BFSP1: variants seen among roughly 807,000 people sequenced by gnomAD.
BFSP1 encodes the protein beaded filament structural protein 1.
In BFSP1, 38 loss-of-function variants were observed where a neutral mutation model predicts 43.9. The ratio of observed to expected loss-of-function variants is 0.87; its 90% CI spans 0.67 to 1.14. The LOEUF (loss-of-function observed/expected upper bound fraction) is 1.14, where lower values mean the gene tolerates loss of function less well. BFSP1 is among the 50% of genes most tolerant of loss of function. The pLI is 0.00. For missense variants in BFSP1, 850 were observed against 875.1 expected, an observed-to-expected ratio of 0.97 and a Z score of 0.36; for synonymous variants, 352 against 354.8, an observed-to-expected ratio of 0.99 and a Z score of 0.09.
At chr20:17,523,306 T>C (rs993610962) in intron 2 of BFSP1, among the ~76,000 whole-genome samples, 2 of 152,054 alleles carry the variant, frequency 1.3e-5, no homozygotes, top group Non-Finnish European at 2.9e-5. Flanking sequence ...GTACCCAGGA[T>C]GGCACTGCGT....
chr20:17,515,502 G>A (rs1466367659), intron 2 of BFSP1, among the ~76,000 whole-genome samples: 7 of 152,192 alleles, frequency 4.6e-5, no homozygotes, highest in Non-Finnish European at 1.0e-4. Context: ...GCATTTGTTT[G>A]TTCCTCTAAG....
At chr20:17,548,649 A>C (rs1278502044) in intron 1 of BFSP1, among the ~76,000 whole-genome samples, 1 of 152,256 alleles carries the variant, frequency 6.6e-6, no homozygotes, top group Non-Finnish European at 1.5e-5. Context: ...GGCTTTTATC[A>C]GTTCTTGGAG....
At position 17,498,966 on chromosome 20, in the gene BFSP1, C is replaced by T; in HGVS notation, c.810G>A (p.Gln270=). The change falls in exon 6 of 8, where the codon CAG becomes CAA. Residue 270 remains glutamine (Q), a synonymous_variant. Coordinates refer to ENST00000377873, the MANE Select transcript of BFSP1 (RefSeq NM_001195.5). ...YDDEIQLYNE[Q]IETLRKEIEE... is the part of the protein sequence containing the mutation. ...CAATCTCCTTGCGCAGTGTCTCAAT[C>T]TGCTCGTTATAAAGCTGAATCTCAT... 6.2e-7 allele frequency: 1 copy of T among 1,614,190 alleles called. No individual in the cohort carries two copies. The highest frequency in any genetic ancestry group is 8.5e-7 in the Non-Finnish European group (1 of 1,180,040).
At chr20:17,533,116 A>T (rs1460640516), upstream of BFSP1, among the ~76,000 whole-genome samples, 1 of 152,192 alleles carries the variant, frequency 6.6e-6, no homozygotes, top group Non-Finnish European at 1.5e-5. Flanking sequence ...TTGGGAGGCC[A>T]AAGTGGGAGG....
chr20:17,517,404 C>T (rs960031375), intron 2 of BFSP1: 18 of 738,186 alleles, frequency 2.4e-5, no homozygotes, highest in Middle Eastern at 3.8e-4. Flanking sequence ...CTGCCTCAGC[C>T]TCCCAAGTAG....
In BFSP1 at chr20:17,556,561, A is replaced by G. The variant is rs570906240; in HGVS notation, c.2+2127T>C. ...CAGGAACACAAAACTATCTATTACT[A>G]TCTATTGATCTATCTATCTATCGTG... On this transcript the variant is annotated intron_variant, in intron 1 of 7. Coordinates refer to the BFSP1 transcript ENST00000377868. Among the ~76,000 whole-genome samples, 287 of 152,258 alleles carry G rather than the reference A, an allele frequency of 1.9e-3. 1 individual carries two copies. Among genetic ancestry groups the G allele is most frequent in the African/African-American group, 6.6e-3 (274 of 41,554 alleles).
chr20:17,514,056 G>T (rs1004778883), intron 3 of BFSP1, among the ~76,000 whole-genome samples: 1 of 152,242 alleles, frequency 6.6e-6, no homozygotes, highest in Non-Finnish European at 1.5e-5. Flanking sequence ...AGGCAAAGCT[G>T]CAGGGATGGC....
At chr20:17,519,690 G>A (rs377376860) in intron 2 of BFSP1, among the ~76,000 whole-genome samples, 4 of 152,254 alleles carry the variant, frequency 2.6e-5, no homozygotes, top group African/African-American at 7.2e-5. Context: ...CTTTATAACT[G>A]CTCATAGTGA....
intron 3 of BFSP1, among the ~76,000 whole-genome samples, chr20:17,513,582 T>A (rs1024806159): frequency 6.6e-6 from 1 of 152,188 alleles, no homozygotes; most frequent in Non-Finnish European, 1.5e-5. Flanking sequence ...ACAGGCCTGG[T>A]GTACTGATGC....
At chr20:17,495,610 C>A in intron 7 of BFSP1, among the ~76,000 whole-genome samples, 1 of 152,180 alleles carries the variant, frequency 6.6e-6, no homozygotes, top group Admixed American at 6.5e-5. Context: ...GATCAGCCTC[C>A]CCTTCCTCCC....
chr20:17,563,902 A>AAG (rs2035091149), upstream of BFSP1, among the ~76,000 whole-genome samples: 1 of 151,544 alleles, frequency 6.6e-6, no homozygotes, highest in Non-Finnish European at 1.5e-5. Flanking sequence ...AAAAAAAAAA[A>AAG]AAAAAGAGGA....
At chr20:17,529,973 A>G (rs897620777) in intron 1 of BFSP1, among the ~76,000 whole-genome samples, 6 of 152,190 alleles carry the variant, frequency 3.9e-5, no homozygotes, top group African/African-American at 7.2e-5. Flanking sequence ...AACAGCTCCT[A>G]TGTGATTTTA....
intron 1 of BFSP1, among the ~76,000 whole-genome samples, chr20:17,528,050 T>C (rs911367075): frequency 1.3e-5 from 2 of 152,194 alleles, no homozygotes; most frequent in African/African-American, 4.8e-5. Flanking sequence ...CTGCACATAC[T>C]AACCCATTGC....
Position 17,494,194 on chromosome 20 carries a change from T to C in BFSP1, c.1878A>G (p.Glu626=). The C allele has an allele frequency of 6.2e-7, 1 of 1,614,196 alleles. No homozygotes were observed. Among genetic ancestry groups the C allele is most frequent in the East Asian group, 2.2e-5 (1 of 44,886 alleles). Residue 626 remains glutamate (E), a synonymous_variant, in exon 8 of 8, where the codon GAA becomes GAG. Coordinates refer to ENST00000377873, the MANE Select transcript of BFSP1 (RefSeq NM_001195.5). ...ALAYKTVEVV[E]SIEKISTESI... Reference sequence around the variant, plus strand: ...TCTCCGTGGAAATCTTCTCGATAGATTCCACCACTTCCACTGTCTTATAGG... The same window carrying C: ...TCTCCGTGGAAATCTTCTCGATAGACTCCACCACTTCCACTGTCTTATAGG...
chr20:17,560,587 A>G (rs775985126), upstream of BFSP1: 3 of 152,204 alleles, frequency 2.0e-5, no homozygotes, highest in Non-Finnish European at 2.9e-5. Context: ...ATCTAAATGA[A>G]AAAATGTTCA....
At chr20:17,553,840 CAT>C (rs201771585) in intron 1 of BFSP1, among the ~76,000 whole-genome samples, 2 of 108,524 alleles carry the variant, frequency 1.8e-5, no homozygotes, top group Non-Finnish European at 1.8e-5. Context: ...TATATATACA[CAT>C]ATATATACAT....
At position 17,511,929 on chromosome 20, in the gene BFSP1, C is replaced by T. The variant is rs368581103; in HGVS notation, c.627+47G>A. The T allele has an allele frequency of 3.5e-4, 526 of 1,517,226 alleles. 1 individual carries two copies. Among genetic ancestry groups the T allele is most frequent in the Non-Finnish European group, 4.0e-4 (435 of 1,095,486 alleles). The allele number at this position is 1,517,226 out of a possible 1,614,324, so 94.0% of individuals were successfully genotyped here. ...GCCCTTCCCTGGGAGTCTCCAGGTA[C>T]AGCTTCCCTCCAGGGCTGGTTTGCC... On this transcript the variant is annotated intron_variant, in intron 4 of 7. Transcript: ENST00000377873.
intron 1 of BFSP1, among the ~76,000 whole-genome samples, chr20:17,542,246 T>C (rs749821024): frequency 2.6e-5 from 4 of 152,080 alleles, no homozygotes; most frequent in Non-Finnish European, 4.4e-5. Context: ...TGAGAGTATC[T>C]ACACCACAAG....
intron 5 of BFSP1, among the ~76,000 whole-genome samples, chr20:17,506,566 C>T (rs2033943618): frequency 6.6e-6 from 1 of 150,544 alleles, no homozygotes; most frequent in Admixed American, 6.6e-5. Context: ...TTCTGTTGCC[C>T]AGGCTGGAGT....
Sources: allele counts gnomAD v4.1 joint callset (sites outside exome capture counted in the v4.1 genomes callset), GRCh38; gene constraint gnomAD v4.1.1; transcripts MANE v1.5; gene names NCBI Gene and HGNC (gene_info 2026-07-23, HGNC 2026-07-21).